The following DPYD variants were observed in gnomAD, a reference collection of about 807,000 sequenced individuals.
DPYD encodes the protein dihydropyrimidine dehydrogenase.
A neutral mutation model predicts 116.2 loss-of-function variants in DPYD; 109 were observed. The observed-to-expected ratio is 0.94, with a 90% CI of 0.80 to 1.10. The LOEUF (loss-of-function observed/expected upper bound fraction) is 1.10, where lower values mean the gene tolerates loss of function less well. Among genes scored for constraint, DPYD ranks in the 50% least tolerant of loss-of-function variants. DPYD has a pLI of 0.00. For synonymous variants in DPYD, 440 were observed against 432.0 expected (o/e 1.02, Z -0.23); for missense variants, 1,302 against 1,254.5 (o/e 1.04, Z -0.57).
chr1:97,317,605 G>A (rs1348791288), intron 16 of DPYD, among the ~76,000 whole-genome samples: 3 of 151,992 alleles, frequency 2.0e-5, no homozygotes, highest in Non-Finnish European at 4.4e-5. Flanking sequence ...CTTAGCTTAT[G>A]TATTTCAGTG....
In DPYD at chr1:97,188,698, C is replaced by T. The variant is rs1411719975; in HGVS notation, c.2622+4371G>A. On this transcript the variant is annotated intron_variant, in intron 20 of 22. Coordinates refer to ENST00000370192, the MANE Select transcript of DPYD (RefSeq NM_000110.4). ...AAAGAAGTGACATTTAAGATAGATTCTAAAAATATATTAATGATTGATCAG... is the reference window on the plus strand; with the variant it reads ...AAAGAAGTGACATTTAAGATAGATTTTAAAAATATATTAATGATTGATCAG... 9.2e-5 allele frequency among the ~76,000 whole-genome samples: 14 copies of T among 152,216 alleles called. No individual in the cohort carries two copies. The East Asian group carries it at 2.7e-3, about 29-fold the overall frequency.
At chr1:97,540,580 C>G (rs189051666) in intron 12 of DPYD, among the ~76,000 whole-genome samples, 36 of 152,196 alleles carry the variant, frequency 2.4e-4, no homozygotes, top group Middle Eastern at 3.4e-3. Flanking sequence ...CCTGGAAGCA[C>G]CCCCGTCACC....
At chr1:97,375,612 C>T in intron 15 of DPYD, among the ~76,000 whole-genome samples, 1 of 152,180 alleles carries the variant, frequency 6.6e-6, no homozygotes, top group East Asian at 1.9e-4. Flanking sequence ...GCACAGCCTG[C>T]TGAACCCTGA....
At chr1:97,133,998 CAAAAA>C (rs1208967697) in intron 20 of DPYD, among the ~76,000 whole-genome samples, 441 of 17,194 alleles carry the variant, frequency 0.026, 38 homozygotes, top group South Asian at 0.04. Flanking sequence ...GACTCTGTTT[CAAAAA>C]AAAAAAAAAA....
chr1:97,381,945 A>G (rs965268599), intron 15 of DPYD, among the ~76,000 whole-genome samples: 5 of 152,206 alleles, frequency 3.3e-5, no homozygotes, highest in African/African-American at 1.2e-4. Context: ...TCAAACTAGA[A>G]TAGTATTAAA....
At chr1:97,678,497 T>C (rs558300434) in intron 8 of DPYD, among the ~76,000 whole-genome samples, 16 of 152,286 alleles carry the variant, frequency 1.1e-4, no homozygotes, top group Middle Eastern at 3.4e-3. Context: ...TTACTTGTTC[T>C]CTCTGGTCTC....
At chr1:97,542,774 A>C (rs1247437685) in intron 12 of DPYD, among the ~76,000 whole-genome samples, 2 of 151,378 alleles carry the variant, frequency 1.3e-5, no homozygotes, top group Non-Finnish European at 2.9e-5. Flanking sequence ...CTACTTTTTA[A>C]AATGCATCTT....
intron 13 of DPYD, among the ~76,000 whole-genome samples, chr1:97,451,967 G>A (rs61789171): frequency 0.035 from 5,384 of 152,202 alleles, 117 homozygotes; most frequent in Non-Finnish European, 0.056. Flanking sequence ...AGTGAAGTCT[G>A]TATTTAGTTC....
At chr1:97,766,601 T>C (rs529810036) in intron 3 of DPYD, among the ~76,000 whole-genome samples, 3 of 152,256 alleles carry the variant, frequency 2.0e-5, no homozygotes, top group African/African-American at 7.2e-5. Context: ...AAGAATTAAG[T>C]GGTGCCCAAC....
At chr1:97,371,486 TAGAG>T (rs1219233350) in intron 16 of DPYD, among the ~76,000 whole-genome samples, 1 of 152,098 alleles carries the variant, frequency 6.6e-6, no homozygotes, top group African/African-American at 2.4e-5. Context: ...CTTTGGAACT[TAGAG>T]AGGTAAAGGG....
chr1:97,259,963 T>A lies in DPYD; in HGVS notation c.2300-24969A>T, dbSNP rs543736051. 2.6e-5 allele frequency among the ~76,000 whole-genome samples: 4 copies of A among 152,210 alleles called. No individual in the cohort carries two copies. In the East Asian group the frequency reaches 7.7e-4, roughly 29 times the overall value. ...ACACTATAATCACTTTATAGTTGAATGGCATATAATGCAATGAAAGGTCTT... is the reference window on the plus strand; with the variant it reads ...ACACTATAATCACTTTATAGTTGAAAGGCATATAATGCAATGAAAGGTCTT... On this transcript the variant is annotated intron_variant, in intron 18 of 22. Coordinates refer to ENST00000370192, the MANE Select transcript of DPYD (RefSeq NM_000110.4).
chr1:97,668,308 A>G (rs1195480040), intron 8 of DPYD, among the ~76,000 whole-genome samples: 2 of 152,120 alleles, frequency 1.3e-5, no homozygotes, highest in African/African-American at 2.4e-5. Context: ...CCTCAGTTAA[A>G]TCCAGGTTCT....
chr1:97,277,107 C>A (rs1450164954), intron 18 of DPYD, among the ~76,000 whole-genome samples: 2 of 152,076 alleles, frequency 1.3e-5, no homozygotes, highest in Non-Finnish European at 2.9e-5. Context: ...AACGCAGGAA[C>A]AGAAAACCAA....
intron 12 of DPYD, chr1:97,546,673 T>G: frequency 1.9e-6 from 3 of 1,613,040 alleles, no homozygotes; most frequent in Non-Finnish European, 2.5e-6. Flanking sequence ...GACATTAATA[T>G]CCATGCCATA....
intron 13 of DPYD, 38 bp from the exon 14 acceptor site, chr1:97,450,261 A>G: frequency 6.2e-7 from 1 of 1,608,784 alleles, no homozygotes; most frequent in Non-Finnish European, 8.5e-7. Context: ...TCCTTTTGAC[A>G]AAGAAAAGCT....
chr1:97,842,893 A>C (rs1222265615), intron 2 of DPYD, among the ~76,000 whole-genome samples: 1 of 152,186 alleles, frequency 6.6e-6, no homozygotes, highest in East Asian at 1.9e-4. Context: ...TTCTCATCTA[A>C]AGCACTTATA....
At chr1:97,706,908 A>G (rs1661995419) in intron 5 of DPYD, among the ~76,000 whole-genome samples, 1 of 152,062 alleles carries the variant, frequency 6.6e-6, no homozygotes, top group African/African-American at 2.4e-5. Context: ...TAATTTTGCA[A>G]GATACTGTCA....
At chr1:97,251,391 TAAAAAA>T (rs10581072) in intron 18 of DPYD, among the ~76,000 whole-genome samples, 5 of 95,360 alleles carry the variant, frequency 5.2e-5, no homozygotes, top group Non-Finnish European at 9.8e-5. Context: ...AAACTCTGTC[TAAAAAA>T]AAAAAAAAAA....
rs143287695 is a variant in DPYD at position 97,751,060 on chromosome 1, A to T, written c.234-10581T>A. Among the ~76,000 whole-genome samples the T allele has an allele frequency of 4.7e-4, 72 of 152,236 alleles. No individual in the cohort carries two copies. The East Asian group carries it at 0.014, about 29-fold the overall frequency. On this transcript the variant is annotated intron_variant, in intron 3 of 22. Coordinates refer to ENST00000370192, the MANE Select transcript of DPYD (RefSeq NM_000110.4). ...GAAAAAAAGTTTGGCCTTAAAATTA[A>T]AAGACAGTATTCATCAATAATAGAA...
Sources: allele counts gnomAD v4.1 joint callset (sites outside exome capture counted in the v4.1 genomes callset), GRCh38; gene constraint gnomAD v4.1.1; transcripts MANE v1.5; gene names NCBI Gene and HGNC (gene_info 2026-07-23, HGNC 2026-07-21).